The following HDAC6 variants were observed in gnomAD, a reference collection of about 807,000 sequenced individuals.
HDAC6 encodes histone deacetylase 6.
A neutral mutation model predicts 88.9 loss-of-function variants in HDAC6; 5 were observed. The ratio of observed to expected loss-of-function variants is 0.06; its 90% confidence interval spans 0.03 to 0.12. The LOEUF is 0.12. Among genes scored for constraint, HDAC6 ranks in the 10% least tolerant of loss-of-function variants. The pLI is 1.00. For synonymous variants in HDAC6, 378 were observed against 398.0 expected, an observed-to-expected ratio of 0.95 and a Z score of 0.60; for missense variants, 706 against 1,014.4, an observed-to-expected ratio of 0.70 and a Z score of 4.13.
At chrX:48,817,664 C>A (rs1256610522) in intron 20 of HDAC6, 17 of 422,711 alleles carry the variant, frequency 4.0e-5, no homozygotes, top group Non-Finnish European at 6.1e-5. Flanking sequence ...GATCATGTTA[C>A]CTGGGCACTT....
At chrX:48,805,722 A>T in intron 6 of HDAC6, 51 bp downstream of exon 6, 1 of 1,034,367 alleles carries the variant, frequency 9.7e-7, no homozygotes. Context: ...CCCTGGACAA[A>T]CCAGGGCAAG....
At chrX:48,803,471 G>A in intron 4 of HDAC6, 1 of 365,109 alleles carries the variant, frequency 2.7e-6, no homozygotes, top group East Asian at 4.8e-5. Flanking sequence ...GGATTGATGA[G>A]TAGGAGGGCA....
intron 1 of HDAC6, 102 bp from the exon 2 acceptor site, chrX:48,802,561 G>A (rs1365843428): frequency 4.4e-6 from 5 of 1,134,551 alleles, no homozygotes; most frequent in Non-Finnish European, 5.8e-6. Flanking sequence ...CGTAAGGAAT[G>A]GAATCTAATA....
intron 4 of HDAC6, chrX:48,803,534 G>A: frequency 4.1e-6 from 1 of 246,333 alleles, no homozygotes; most frequent in East Asian, 8.1e-5. Context: ...ACAGACTTAA[G>A]ACCAGGGGAT....
At chrX:48,802,563 A>G in intron 1 of HDAC6, 100 bp from the exon 2 acceptor site, 4 of 1,136,586 alleles carry the variant, frequency 3.5e-6, no homozygotes, top group Non-Finnish European at 4.7e-6. Context: ...TAAGGAATGG[A>G]ATCTAATAGA....
Position 48,817,376 on chromosome X carries a change from G to A in HDAC6, c.1842G>A (p.Gln614=). ...GTCCCCCAGGACACCACGCAGAGCAGGATGCAGCTTGCGGTTTTTGCTTTT... is the reference window on the plus strand; with the variant it reads ...GTCCCCCAGGACACCACGCAGAGCAAGATGCAGCTTGCGGTTTTTGCTTTT... ...VVRPPGHHAE[Q]DAACGFCFFN... is the part of the protein sequence containing the mutation. The change falls in exon 20 of 29, where the codon CAG becomes CAA. Residue 614 remains glutamine (Q), a synonymous_variant. Transcript: ENST00000334136. The A allele has an allele frequency of 8.3e-7, 1 of 1,211,300 alleles. No individual in the cohort carries two copies. The highest frequency in any genetic ancestry group is 1.1e-6 in the Non-Finnish European group (1 of 895,173).
At chrX:48,821,010 G>A (rs1245741362) in intron 23 of HDAC6, among the ~76,000 whole-genome samples, 2 of 108,622 alleles carry the variant, frequency 1.8e-5, no homozygotes, top group Non-Finnish European at 3.8e-5. Context: ...GCTAATTTTT[G>A]TATTTTTAGT....
Position 48,824,616 on chromosome X carries a change from C to G in HDAC6, c.*4C>G. On this transcript the variant is annotated 3_prime_UTR_variant, in exon 29 of 29. Coordinates refer to ENST00000334136, the MANE Select transcript of HDAC6 (RefSeq NM_006044.4). The stretch of plus-strand genomic sequence containing the variant: ...GGATATGCCCCACCCACACTAAGCC[C>G]CAGAATACGGTCCCTCTTCACCTTC... The G allele has an allele frequency of 8.3e-7, 1 of 1,209,350 alleles. No homozygotes were observed. Among genetic ancestry groups the G allele is most frequent in the Non-Finnish European group, 1.1e-6 (1 of 894,039 alleles).
intron 1 of HDAC6, 82 bp from the exon 2 acceptor site, chrX:48,802,581 G>C: frequency 8.7e-7 from 1 of 1,152,388 alleles, no homozygotes. Flanking sequence ...AGAGGGGGCG[G>C]AGCCTGGAAA....
intron 24 of HDAC6, 21 bp downstream of exon 24, chrX:48,822,815 T>TG (rs781932316): frequency 2.6e-6 from 3 of 1,174,177 alleles, no homozygotes; most frequent in Non-Finnish European, 3.4e-6. Flanking sequence ...TTGGGGGTGA[T>TG]GGGGGGAACC....
chrX:48,802,063 A>G (rs2147318582), upstream of HDAC6: 1 of 906,468 alleles, frequency 1.1e-6, no homozygotes, highest in East Asian at 8.2e-5. Flanking sequence ...CAGGGGGTGG[A>G]GCTGGTTGAA....
chrX:48,820,162 G>A lies in HDAC6; in HGVS notation c.2244G>A (p.Pro748=), dbSNP rs2063058407. ...SAGFDAARGD[P]LGGCQVSPEG... ...GCTTTGATGCTGCACGGGGGGATCC[G>A]CTGGGGGGCTGCCAGGTGTCACCTG... The change falls in exon 23 of 29, where the codon CCG becomes CCA. Residue 748 remains proline (P), a synonymous_variant. Transcript: ENST00000334136. 5 of 1,210,454 alleles carry A rather than the reference G, an allele frequency of 4.1e-6. No individual in the cohort carries two copies. The highest frequency in any genetic ancestry group is 3.5e-5 in the African/African-American group (2 of 57,740).
chrX:48,801,737 G>C (rs1387218098), upstream of HDAC6: 4 of 602,001 alleles, frequency 6.6e-6, no homozygotes, highest in Admixed American at 1.6e-4. Context: ...CCCGCCGCTT[G>C]TGAGCTCGCG....
rs782227503 is a variant in HDAC6 at position 48,804,413 on chromosome X, T to C, written c.312-1025T>C. On this transcript the variant is annotated intron_variant, in intron 4 of 28. Coordinates refer to ENST00000334136, the MANE Select transcript of HDAC6 (RefSeq NM_006044.4). ...GAGATTCTTTTCGGTCTTCTACTCTTCCAGCTGCCTTTCACATCCCAATGA... is the reference window on the plus strand; with the variant it reads ...GAGATTCTTTTCGGTCTTCTACTCTCCCAGCTGCCTTTCACATCCCAATGA... Among the ~76,000 whole-genome samples the C allele has an allele frequency of 5.4e-5, 6 of 111,982 alleles. No homozygotes were observed. In the East Asian group the frequency reaches 1.7e-3, roughly 31 times the overall value.
At chrX:48,804,369 C>G (rs1557023524) in intron 4 of HDAC6, among the ~76,000 whole-genome samples, 1 of 111,421 alleles carries the variant, frequency 9.0e-6, no homozygotes, top group African/African-American at 3.3e-5. Context: ...GGTCTGTACC[C>G]TGACCAACCC....
At position 48,820,260 on chromosome X, in the gene HDAC6, CT is replaced by C; in HGVS notation, c.2337+8del. The stretch of plus-strand genomic sequence containing the variant: ...CGCATTATCCTTATCCTAGAGGTAA[CT>C]TTCTCTTGGTCCCTCTTCCCACAGT... On this transcript the variant is annotated splice_donor_region_variant and intron_variant, in intron 23 of 28. Transcript: ENST00000334136. 1 of 1,170,933 alleles carries C rather than the reference CT, an allele frequency of 8.5e-7. No homozygotes were observed. Among genetic ancestry groups the C allele is most frequent in the Non-Finnish European group, 1.1e-6 (1 of 873,791 alleles).
intron 20 of HDAC6, 39 bp from the exon 21 acceptor site, chrX:48,818,002 T>G: frequency 1.4e-5 from 16 of 1,140,926 alleles, no homozygotes; most frequent in Non-Finnish European, 1.9e-5. Flanking sequence ...TTCCAGGGCG[T>G]GAGTATCGTC....
intron 10 of HDAC6, chrX:48,810,744 G>A (rs782161620): frequency 1.8e-5 from 2 of 110,236 alleles, no homozygotes; most frequent in East Asian, 5.6e-4. Context: ...GAGTAGCTGG[G>A]ACCACAGGTG....
intron 10 of HDAC6, among the ~76,000 whole-genome samples, chrX:48,811,363 C>T (rs1324393688): frequency 8.9e-6 from 1 of 112,225 alleles, no homozygotes; most frequent in Non-Finnish European, 1.9e-5. Flanking sequence ...TATTCTGAGG[C>T]TGGTTGAATT....
Sources: gnomAD v4.1 joint callset for allele counts (sites outside exome capture counted in the v4.1 genomes callset) on GRCh38, gnomAD v4.1.1 for gene constraint, MANE v1.5 for transcripts, NCBI Gene and HGNC (gene_info 2026-07-23, HGNC 2026-07-21) for gene names.